Variants in CMTM4 observed in about 807,000 individuals in gnomAD.
CMTM4 encodes CKLF-like MARVEL transmembrane domain-containing protein 4.
CMTM4 carries 8 observed loss-of-function variants against 19.0 expected under a neutral mutation model. That is an observed-to-expected ratio of 0.42 (90% CI 0.25 to 0.76). CMTM4 has a LOEUF of 0.76. Ranked by LOEUF, CMTM4 falls within the 30% of genes least tolerant of loss-of-function variation. The pLI is 0.27. For missense variants in CMTM4, 228 were observed against 290.2 expected, an observed-to-expected ratio of 0.79 and a Z score of 1.56; for synonymous variants, 106 against 121.1, an observed-to-expected ratio of 0.88 and a Z score of 0.82.
chr16:66,664,184 G>A (rs1247035907), intron 1 of CMTM4, among the ~76,000 whole-genome samples: 1 of 149,828 alleles, frequency 6.7e-6, no homozygotes, highest in Non-Finnish European at 1.5e-5. Context: ...AGTGAGCCAA[G>A]ATCGCACCAC....
intron 1 of CMTM4, among the ~76,000 whole-genome samples, chr16:66,667,637 C>A (rs1029992486): frequency 3.9e-5 from 6 of 152,084 alleles, no homozygotes; most frequent in African/African-American, 1.4e-4. Flanking sequence ...TGCCTGTAAC[C>A]CCGGCACTTT....
chr16:66,644,289 G>A (rs1422867929), intron 1 of CMTM4, among the ~76,000 whole-genome samples: 6 of 152,186 alleles, frequency 3.9e-5, no homozygotes, highest in African/African-American at 7.2e-5. Flanking sequence ...CATATTGACC[G>A]TATAATGACA....
At chr16:66,642,575 G>A (rs2016113922) in intron 1 of CMTM4, among the ~76,000 whole-genome samples, 1 of 152,072 alleles carries the variant, frequency 6.6e-6, no homozygotes, top group Non-Finnish European at 1.5e-5. Flanking sequence ...AATTAGCTGG[G>A]TGTGGTGGCA....
chr16:66,636,680 A>G lies in CMTM4; in HGVS notation c.187-99T>C, dbSNP rs1596918458. On this transcript the variant is annotated intron_variant, in intron 1 of 3. Coordinates refer to ENST00000394106, the MANE Select transcript of CMTM4 (RefSeq NM_181521.3). ...CTTATATAACACTGAACAACAACAT[A>G]CTGCCACTGAGTTTTCCTCTGGGAC... 3.2e-6 allele frequency: 3 copies of G among 940,598 alleles called. No homozygotes were observed. The East Asian group carries it at 7.5e-5, about 23-fold the overall frequency. The allele number at this position is 940,598 out of a possible 1,614,324, so 58.3% of individuals were successfully genotyped here. A position where few individuals can be genotyped will look rare whatever the true frequency, so the allele number is the denominator to read the frequency against.
intron 2 of CMTM4, among the ~76,000 whole-genome samples, chr16:66,624,735 C>G (rs528782607): frequency 7.2e-5 from 11 of 152,324 alleles, no homozygotes; most frequent in African/African-American, 2.6e-4. Context: ...CCACTGCACT[C>G]TAGCCTGGGT....
intron 1 of CMTM4, among the ~76,000 whole-genome samples, chr16:66,644,663 T>C (rs1171418583): frequency 2.0e-5 from 3 of 152,132 alleles, no homozygotes; most frequent in Non-Finnish European, 4.4e-5. Flanking sequence ...GACAATGAGG[T>C]GTGAGTGGGG....
chr16:66,640,382 T>C (rs1362269682), intron 1 of CMTM4, among the ~76,000 whole-genome samples: 2 of 151,980 alleles, frequency 1.3e-5, no homozygotes, highest in African/African-American at 4.8e-5. Flanking sequence ...TTGCCGAACA[T>C]ATAAGGGACA....
In CMTM4 at chr16:66,617,198, GCATAAAAAAACAAA is replaced by G. The variant is rs1384187090; in HGVS notation, c.*4846_*4859del. 2.8e-6 allele frequency: 4 copies of G among 1,412,650 alleles called. No individual in the cohort carries two copies. Among genetic ancestry groups the G allele is most frequent in the Non-Finnish European group, 3.9e-6 (4 of 1,017,756 alleles). The allele number at this position is 1,412,650 out of a possible 1,614,324, so 87.5% of individuals were successfully genotyped here. A position where few individuals can be genotyped will look rare whatever the true frequency, so the allele number is the denominator to read the frequency against. The stretch of plus-strand genomic sequence containing the variant: ...GCAAGTCACCTGAATTAAAGCCTCA[GCATAAAAAAACAAA>G]CATAGACAACAAACTTACCCTATGA... On this transcript the variant is annotated 3_prime_UTR_variant, in exon 4 of 4. Transcript: ENST00000394106.
intron 1 of CMTM4, among the ~76,000 whole-genome samples, chr16:66,660,961 G>A (rs1011164871): frequency 1.3e-5 from 2 of 151,986 alleles, no homozygotes; most frequent in Non-Finnish European, 2.9e-5. Context: ...TATCCCTCCC[G>A]AACAGACACT....
At chr16:66,674,618 C>T (rs536253849) in intron 1 of CMTM4, among the ~76,000 whole-genome samples, 1 of 151,820 alleles carries the variant, frequency 6.6e-6, no homozygotes, top group African/African-American at 2.4e-5. Context: ...ATGCTCTCAT[C>T]GAAACGAGTC....
intron 1 of CMTM4, among the ~76,000 whole-genome samples, chr16:66,683,181 G>GTATATATATATACATATA (rs1429202788): frequency 8.0e-6 from 1 of 124,440 alleles, no homozygotes; most frequent in Admixed American, 9.1e-5. Flanking sequence ...ATATACATAT[G>GTATATATATATACATATA]TATATATATA....
chr16:66,617,447 T>G lies in CMTM4; in HGVS notation c.*4611A>C, dbSNP rs1359851922. 2 of 1,525,508 alleles carry G rather than the reference T, an allele frequency of 1.3e-6. No individual in the cohort carries two copies. The highest frequency in any genetic ancestry group is 2.8e-5 in the African/African-American group (2 of 72,100). The allele number at this position is 1,525,508 out of a possible 1,614,324, so 94.5% of individuals were successfully genotyped here. ...CCAGACAAAAGAAGGGAAAATACAA[T>G]AGGACCCACTCCGCTTCAAGCTAAA... On this transcript the variant is annotated 3_prime_UTR_variant, in exon 4 of 4. Transcript: ENST00000394106.
At chr16:66,630,817 A>G (rs377605368) in intron 2 of CMTM4, among the ~76,000 whole-genome samples, 13,936 of 147,036 alleles carry the variant, frequency 0.095, 793 homozygotes, top group East Asian at 0.27. Context: ...AGTGAGGAGC[A>G]TCTCTGCCCG....
intron 1 of CMTM4, among the ~76,000 whole-genome samples, chr16:66,670,797 TA>T (rs200954509): frequency 2.9e-3 from 400 of 139,156 alleles, no homozygotes; most frequent in Middle Eastern, 0.022. Context: ...AGACTCCATA[TA>T]AAAAAAAAAA....
At chr16:66,631,417 C>T (rs1434878422) in intron 2 of CMTM4, among the ~76,000 whole-genome samples, 5 of 152,164 alleles carry the variant, frequency 3.3e-5, no homozygotes, top group East Asian at 1.9e-4. Flanking sequence ...GCCACCACCC[C>T]GTCAGGGAGG....
chr16:66,671,409 C>G (rs1020735589), intron 1 of CMTM4, among the ~76,000 whole-genome samples: 25 of 152,178 alleles, frequency 1.6e-4, no homozygotes, highest in African/African-American at 6.0e-4. Context: ...CCAGGGGAGA[C>G]AGAAAATTTG....
intron 2 of CMTM4, among the ~76,000 whole-genome samples, chr16:66,627,215 T>C (rs2015760254): frequency 6.6e-6 from 1 of 152,242 alleles, no homozygotes; most frequent in Non-Finnish European, 1.5e-5. Flanking sequence ...AATGGAACAC[T>C]ATGCAGTCAT....
chr16:66,600,413 G>A, the CMTM4 span, among the ~76,000 whole-genome samples: 5 of 152,228 alleles, frequency 3.3e-5, no homozygotes, highest in South Asian at 6.2e-4. Flanking sequence ...CCAAAGTGCT[G>A]GGATTACAGG....
intron 1 of CMTM4, among the ~76,000 whole-genome samples, chr16:66,689,452 C>A (rs977269220): frequency 6.6e-6 from 1 of 152,144 alleles, no homozygotes; most frequent in South Asian, 2.1e-4. Context: ...CACTCTGTTG[C>A]CCAGGCTGGA....
Sources: gnomAD v4.1 joint callset for allele counts (sites outside exome capture counted in the v4.1 genomes callset) on GRCh38, gnomAD v4.1.1 for gene constraint, MANE v1.5 for transcripts, NCBI Gene and HGNC (gene_info 2026-07-23, HGNC 2026-07-21) for gene names.